RBFOX1: variants seen among roughly 807,000 people sequenced by gnomAD.
RBFOX1 encodes RNA binding protein fox-1 homolog 1.
In RBFOX1, 8 loss-of-function variants were observed where a neutral mutation model predicts 57.7. The ratio of observed to expected loss-of-function variants is 0.14; its 90% CI spans 0.08 to 0.25. The LOEUF is 0.25. Among genes scored for constraint, RBFOX1 ranks in the 10% least tolerant of loss-of-function variants. RBFOX1 has a pLI of 1.00. For missense variants in RBFOX1, 611 were observed against 548.5 expected (o/e 1.11, Z -1.14); for synonymous variants, 326 against 222.4 (o/e 1.47, Z -4.15).
intron 2 of RBFOX1, among the ~76,000 whole-genome samples, chr16:6,390,557 A>C (rs1300237808): frequency 6.6e-6 from 1 of 152,096 alleles, no homozygotes; most frequent in Admixed American, 6.5e-5. Context: ...GGAGTGAGAA[A>C]AAAAAAAGCA....
rs141414326 is a variant in RBFOX1 at position 7,627,266 on chromosome 16, C to T, written c.677-3337C>T. On this transcript the variant is annotated intron_variant, in intron 10 of 15. Transcript: ENST00000550418. ...AACAGCATGAAGGTTTCATCCACTT[C>T]ACCAACTCTAATCAAATGGGAATCA... Among the ~76,000 whole-genome samples the T allele has an allele frequency of 2.6e-3, 392 of 151,372 alleles. 1 individual carries two copies. The highest frequency in any genetic ancestry group is 3.9e-3 in the Non-Finnish European group (267 of 67,976).
At chr16:5,364,623 C>T (rs1220007253) in intron 1 of RBFOX1, among the ~76,000 whole-genome samples, 1 of 152,184 alleles carries the variant, frequency 6.6e-6, no homozygotes, top group Non-Finnish European at 1.5e-5. Flanking sequence ...TTACATTCTG[C>T]TTTTTGGAAC....
chr16:5,421,306 TATC>T (rs892591629), intron 1 of RBFOX1, among the ~76,000 whole-genome samples: 2 of 152,176 alleles, frequency 1.3e-5, no homozygotes, highest in African/African-American at 4.8e-5. Flanking sequence ...TGTGCCCGGC[TATC>T]ATCCACCTTC....
At chr16:5,379,729 A>G (rs538691618) in intron 1 of RBFOX1, among the ~76,000 whole-genome samples, 4 of 152,316 alleles carry the variant, frequency 2.6e-5, no homozygotes, top group African/African-American at 7.2e-5. Context: ...AGGGGAAAAG[A>G]TGAGGCTCTT....
intron 3 of RBFOX1, among the ~76,000 whole-genome samples, chr16:5,703,962 C>T (rs556519924): frequency 6.6e-6 from 1 of 152,164 alleles, no homozygotes; most frequent in African/African-American, 2.4e-5. Context: ...TTATTATGCC[C>T]AGGTTAAGCC....
chr16:7,064,588 AC>A (rs779287199), intron 4 of RBFOX1, among the ~76,000 whole-genome samples: 3 of 151,802 alleles, frequency 2.0e-5, no homozygotes, highest in East Asian at 3.9e-4. Flanking sequence ...GAAGAAACCA[AC>A]CCCCCTGACA....
intron 1 of RBFOX1, among the ~76,000 whole-genome samples, chr16:5,451,729 G>C (rs8058497): frequency 0.2 from 30,747 of 152,140 alleles, 3,628 homozygotes; most frequent in African/African-American, 0.33. Context: ...TATCCTGTCC[G>C]GGTTCCACAT....
At chr16:7,151,447 G>A (rs184492705) in intron 4 of RBFOX1, among the ~76,000 whole-genome samples, 76 of 152,194 alleles carry the variant, frequency 5.0e-4, no homozygotes, top group African/African-American at 1.7e-3. Flanking sequence ...TTACTTGTTC[G>A]TCATCCTTCA....
In RBFOX1 at chr16:6,450,826, T is replaced by TATAC. The variant is rs2094594108; in HGVS notation, c.-64+133772_-64+133773insCATA. 2.4e-4 allele frequency among the ~76,000 whole-genome samples: 8 copies of TATAC among 32,914 alleles called. 1 individual carries two copies. The highest frequency in any genetic ancestry group is 1.4e-3 in the African/African-American group (8 of 5,920). The allele number at this position is 32,914 out of a possible 152,430, so 21.6% of individuals were successfully genotyped here. On this transcript the variant is annotated intron_variant, in intron 2 of 15. Transcript: ENST00000550418. ...GTATATATATATATATACATATATA[T>TATAC]ATATATATATGTGTATATATATATA...
intron 1 of RBFOX1, among the ~76,000 whole-genome samples, chr16:6,089,077 AAAT>A (rs2096131984): frequency 7.2e-6 from 1 of 139,824 alleles, no homozygotes; most frequent in Non-Finnish European, 1.5e-5. Context: ...AAAAAAAAAA[AAAT>A]ATATATATAT....
chr16:6,265,138 A>G (rs563402648), intron 1 of RBFOX1, among the ~76,000 whole-genome samples: 1 of 152,210 alleles, frequency 6.6e-6, no homozygotes, highest in East Asian at 1.9e-4. Context: ...TATTTTCTAG[A>G]TGTTAGACAC....
intron 1 of RBFOX1, among the ~76,000 whole-genome samples, chr16:6,099,149 G>A (rs1231526144): frequency 1.3e-5 from 2 of 152,148 alleles, no homozygotes; most frequent in African/African-American, 4.8e-5. Flanking sequence ...TTCTTTATTA[G>A]GCAGCACTCA....
chr16:5,838,241 C>A, intron 3 of RBFOX1: 1 of 215,438 alleles, frequency 4.6e-6, no homozygotes, highest in South Asian at 8.9e-5. Flanking sequence ...GGTGTCTGAT[C>A]TTGCCACGTG....
rs1351663375 is a variant in RBFOX1, at chr16:5,827,417, A to AAG, written c.319-39885_319-39884insGA. On this transcript the variant is annotated intron_variant, in intron 3 of 19. Coordinates refer to the RBFOX1 transcript ENST00000641259. Reference sequence around the variant, plus strand: ...TCCATCTCAGGGAAAAAAAAAAAAAAAAAAGAAAAGAAAAAGCTGCATTGA... The same window carrying AAG: ...TCCATCTCAGGGAAAAAAAAAAAAAAAGAAAAGAAAAGAAAAAGCTGCATTGA... Among the ~76,000 whole-genome samples the AAG allele has an allele frequency of 3.4e-3, 514 of 151,652 alleles. 4 individuals carry two copies. Among genetic ancestry groups the AAG allele is most frequent in the Middle Eastern group, 0.01 (3 of 288 alleles).
chr16:6,350,250 A>G (rs192299135), intron 2 of RBFOX1, among the ~76,000 whole-genome samples: 22 of 152,048 alleles, frequency 1.4e-4, no homozygotes, highest in Admixed American at 1.4e-3. Flanking sequence ...CAGCCTGACC[A>G]GCATGGAGAA....
intron 1 of RBFOX1, among the ~76,000 whole-genome samples, chr16:5,351,581 A>G (rs1473418929): frequency 6.6e-6 from 1 of 152,190 alleles, no homozygotes; most frequent in Non-Finnish European, 1.5e-5. Flanking sequence ...GGTGACAAAA[A>G]ATTTCATTGC....
intron 4 of RBFOX1, among the ~76,000 whole-genome samples, chr16:7,321,974 T>G (rs1183849622): frequency 6.6e-6 from 1 of 152,234 alleles, no homozygotes; most frequent in Admixed American, 6.5e-5. Flanking sequence ...CACAGCTTGG[T>G]TCTGGGTCCC....
At chr16:6,921,999 G>C (rs2074560054) in intron 3 of RBFOX1, among the ~76,000 whole-genome samples, 1 of 152,128 alleles carries the variant, frequency 6.6e-6, no homozygotes, top group African/African-American at 2.4e-5. Context: ...CTAGCACAAT[G>C]CCTAACACCT....
chr16:7,576,122 T>G (rs564812377), intron 5 of RBFOX1, among the ~76,000 whole-genome samples: 67 of 151,684 alleles, frequency 4.4e-4, no homozygotes, highest in South Asian at 1.7e-3. Flanking sequence ...ATTTATTTAG[T>G]GGAGACAGGG....
Sources: allele counts gnomAD v4.1 joint callset (sites outside exome capture counted in the v4.1 genomes callset), GRCh38; gene constraint gnomAD v4.1.1; transcripts MANE v1.5; gene names NCBI Gene and HGNC (gene_info 2026-07-23, HGNC 2026-07-21).